GOLGA1: variants seen among roughly 807,000 people sequenced by gnomAD.
GOLGA1 encodes the protein golgin A1, also known as golgin subfamily A member 1.
GOLGA1 carries 63 observed loss-of-function variants against 119.7 expected under a neutral mutation model. That is an observed-to-expected ratio of 0.53 (90% CI 0.43 to 0.65). The LOEUF is 0.65. GOLGA1 is among the 30% of genes least tolerant of loss of function. The pLI is 0.00. For synonymous variants in GOLGA1, 318 were observed against 333.4 expected, an observed-to-expected ratio of 0.95 and a Z score of 0.50; for missense variants, 798 against 912.8, an observed-to-expected ratio of 0.87 and a Z score of 1.62.
At chr9:124,892,059 A>G (rs543503833) in intron 15 of GOLGA1, among the ~76,000 whole-genome samples, 1 of 151,550 alleles carries the variant, frequency 6.6e-6, no homozygotes, top group African/African-American at 2.4e-5. Flanking sequence ...GGTTCAAACA[A>G]TTCTCCTGCC....
chr9:124,881,191 TG>T lies in GOLGA1; in HGVS notation c.2202del (p.Lys735ArgfsTer50). The T allele has an allele frequency of 6.4e-7, 1 of 1,571,902 alleles. No individual in the cohort carries two copies. Among genetic ancestry groups the T allele is most frequent in the Non-Finnish European group, 8.8e-7 (1 of 1,141,266 alleles). On this transcript the variant is annotated frameshift_variant, in exon 22 of 23. Transcript: ENST00000373555. LOFTEE classifies it high-confidence loss of function. This position sits in a 1 kb window ranked among gnomAD's most constrained non-coding sequence, Gnocchi z 4.9. ...CCTACCTTATATTCCAGAGTTTCCT[TG>T]AGCATGTTCTCCTCCTCTTGGGAAA... ...LNFSQEEENMLKETLEYKMSW... is the reference protein window; with the variant it reads ...LNFSQEEENMXKETLEYKMSW...
chr9:124,921,564 G>A, intron 9 of GOLGA1, 159 bp downstream of exon 9: 1 of 688,144 alleles, frequency 1.5e-6, no homozygotes, highest in Admixed American at 2.3e-5. Flanking sequence ...TTGGAGGTAG[G>A]GTGAGGCCTG....
rs377081565 is a variant in GOLGA1 at position 124,908,568 on chromosome 9, CA to C, written c.970-97del. 11 of 755,260 alleles carry C rather than the reference CA, an allele frequency of 1.5e-5. No homozygotes were observed. The African/African-American group carries it at 1.7e-4, about 12-fold the overall frequency. 46.8% of individuals were successfully genotyped at this position (755,260 alleles called of 1,614,324 possible). On this transcript the variant is annotated intron_variant, in intron 11 of 22. Coordinates refer to ENST00000373555, the MANE Select transcript of GOLGA1 (RefSeq NM_002077.4). Reference sequence around the variant, plus strand: ...AACATATTGTGACTTGTGCTAGGCACAAGAGACATGAATACATTTTTAATAA... The same window carrying C: ...AACATATTGTGACTTGTGCTAGGCACAGAGACATGAATACATTTTTAATAA...
At chr9:124,897,949 C>T (rs1028248906) in intron 15 of GOLGA1, among the ~76,000 whole-genome samples, 21 of 152,224 alleles carry the variant, frequency 1.4e-4, no homozygotes, top group African/African-American at 4.8e-4. Flanking sequence ...AAAGGGGCCA[C>T]GGGAGTCTGG....
rs200680381 is a variant in GOLGA1, at chr9:124,889,213, G to A, written c.1691C>T (p.Ala564Val). 83 of 1,613,078 alleles carry A rather than the reference G, an allele frequency of 5.1e-5. No individual in the cohort carries two copies. Among genetic ancestry groups the A allele is most frequent in the Non-Finnish European group, 6.4e-5 (76 of 1,179,900 alleles). The change falls in exon 18 of 23, where the codon GCG becomes GTG. Residue 564 changes from alanine to valine, a missense_variant. Ala to Val is a moderately conservative substitution (Grantham distance 64). Coordinates refer to ENST00000373555, the MANE Select transcript of GOLGA1 (RefSeq NM_002077.4). ...CAGCCTCAGCAGGTCCTCCTGCTCC[G>A]CGACCACTGCAGCCTCCTCCGCCTT... ...TLKAEEAAVV[A>V]EQEDLLRLRG...
chr9:124,890,168 CA>C (rs1323818905), intron 16 of GOLGA1, among the ~76,000 whole-genome samples: 4 of 152,154 alleles, frequency 2.6e-5, no homozygotes, highest in African/African-American at 9.7e-5. Context: ...GTTGAAAAAT[CA>C]GAAAAGGGCA....
intron 10 of GOLGA1, among the ~76,000 whole-genome samples, chr9:124,916,877 C>CACACAAAAAAAAAAAAAA (rs1359322100): frequency 7.3e-5 from 3 of 41,214 alleles, no homozygotes; most frequent in Non-Finnish European, 8.3e-5. Context: ...CCCTGACACA[C>CACACAAAAAAAAAAAAAA]AAAAAAAAAA....
At position 124,924,496 on chromosome 9, in the gene GOLGA1, G is replaced by A. The variant is rs1291342727; in HGVS notation, c.433-1273C>T. On this transcript the variant is annotated intron_variant, in intron 7 of 22. Transcript: ENST00000373555. ...AATACAAAAAAATTAGCCAGGCATG[G>A]TGGCATGTGCTTGTAATCCCAGCTA... 3.3e-5 allele frequency among the ~76,000 whole-genome samples: 5 copies of A among 151,996 alleles called. No homozygotes were observed. In the East Asian group the frequency reaches 9.7e-4, roughly 30 times the overall value.
chr9:124,899,892 T>C (rs1830064068), intron 13 of GOLGA1, among the ~76,000 whole-genome samples: 1 of 152,242 alleles, frequency 6.6e-6, no homozygotes, highest in African/African-American at 2.4e-5. Context: ...GCTGCGAGCC[T>C]GTGGGCTACT....
chr9:124,905,158 T>TAA (rs1457460134), intron 12 of GOLGA1, among the ~76,000 whole-genome samples: 1 of 146,686 alleles, frequency 6.8e-6, no homozygotes, highest in Non-Finnish European at 1.5e-5. Flanking sequence ...AAAATAATAA[T>TAA]AATAAAATAA....
rs750647735 is a variant in GOLGA1, at chr9:124,908,486, GAA to G, written c.970-16_970-15del. The G allele has an allele frequency of 1.5e-4, 212 of 1,384,028 alleles. No homozygotes were observed. The highest frequency in any genetic ancestry group is 2.0e-4 in the Non-Finnish European group (194 of 969,804). The allele number at this position is 1,384,028 out of a possible 1,614,324, so 85.7% of individuals were successfully genotyped here. ...AGCAAGTGTTTTCTGTAAGTTGAAA[GAA>G]GAGTAAAAGAAGACTATCATTCCTC... is the stretch of plus-strand genomic sequence containing the variant. On this transcript the variant is annotated splice_polypyrimidine_tract_variant and intron_variant, in intron 11 of 22. Transcript: ENST00000373555.
At chr9:124,925,856 TG>T (rs1830662058) in intron 7 of GOLGA1, among the ~76,000 whole-genome samples, 1 of 152,210 alleles carries the variant, frequency 6.6e-6, no homozygotes, top group African/African-American at 2.4e-5. Context: ...ATTGTAGACT[TG>T]AAATTTCATC....
intron 13 of GOLGA1, 183 bp downstream of exon 13, chr9:124,900,269 C>G (rs620606): frequency 0.39 from 172,778 of 438,154 alleles, 36,368 homozygotes; most frequent in East Asian, 0.57. Flanking sequence ...AACTCAGGCC[C>G]ACCATTAGGT....
chr9:124,901,512 G>GT (rs1377534486), intron 12 of GOLGA1, among the ~76,000 whole-genome samples: 6 of 148,988 alleles, frequency 4.0e-5, no homozygotes, highest in Non-Finnish European at 7.4e-5. Flanking sequence ...TTGGCTCACT[G>GT]TAACCTCCAC....
At chr9:124,929,163 T>C (rs1001037855) in intron 5 of GOLGA1, 53 bp downstream of exon 5, 16 of 1,073,782 alleles carry the variant, frequency 1.5e-5, no homozygotes, top group Non-Finnish European at 2.2e-5. Flanking sequence ...TATTGTTTCA[T>C]TTCAAAAACT....
Position 124,924,644 on chromosome 9 carries a change from AAAAAAAAG to A in GOLGA1, c.433-1429_433-1422del, listed in dbSNP as rs1394342833. 4.0e-5 allele frequency among the ~76,000 whole-genome samples: 6 copies of A among 151,424 alleles called. No homozygotes were observed. In the South Asian group the frequency reaches 1.3e-3, roughly 32 times the overall value. ...GTGGTGAGACCCTGTCTCAAAAAAAAAAAAAAAGAAAAAAAGAAAAAAGGACTCTCTTA... is the reference window on the plus strand; with the variant it reads ...GTGGTGAGACCCTGTCTCAAAAAAAAAAAAAAAGAAAAAAGGACTCTCTTA... On this transcript the variant is annotated intron_variant, in intron 7 of 22. Transcript: ENST00000373555.
At position 124,911,321 on chromosome 9, in the gene GOLGA1, G is replaced by A. The variant is rs111324256; in HGVS notation, c.969+580C>T. Among the ~76,000 whole-genome samples the A allele has an allele frequency of 2.0e-3, 301 of 152,254 alleles. 2 individuals carry two copies. Among genetic ancestry groups the A allele is most frequent in the African/African-American group, 6.5e-3 (272 of 41,540 alleles). On this transcript the variant is annotated intron_variant, in intron 11 of 22. Coordinates refer to ENST00000373555, the MANE Select transcript of GOLGA1 (RefSeq NM_002077.4). ...AAACTGACTGAAGAAAGAAAGGGAG[G>A]GTCTAATCTAGGAGCCTCATGACCT... is the stretch of plus-strand genomic sequence containing the variant.
Position 124,898,495 on chromosome 9 carries a change from A to G in GOLGA1, c.1407+54T>C, listed in dbSNP as rs1156668298. On this transcript the variant is annotated intron_variant, in intron 15 of 22. Transcript: ENST00000373555. ...ATGAGAAGTGGGGCACTGTAAATAC[A>G]CATGTAGAAAACATGAACACTTTTA... is the stretch of plus-strand genomic sequence containing the variant. 6.1e-6 allele frequency: 6 copies of G among 977,248 alleles called. No homozygotes were observed. In the East Asian group the frequency reaches 1.4e-4, roughly 23 times the overall value. 60.5% of individuals were successfully genotyped at this position (977,248 alleles called of 1,614,324 possible). A position where few individuals can be genotyped will look rare whatever the true frequency, so the allele number is the denominator to read the frequency against.
intron 3 of GOLGA1, among the ~76,000 whole-genome samples, chr9:124,934,059 G>A (rs1475812973): frequency 6.6e-6 from 1 of 152,014 alleles, no homozygotes; most frequent in Non-Finnish European, 1.5e-5. Context: ...ATGATCTTGG[G>A]GATCCTTGAC....
Sources: gnomAD v4.1 joint callset for allele counts (sites outside exome capture counted in the v4.1 genomes callset) on GRCh38, gnomAD v4.1.1 for gene constraint, Gnocchi (gnomAD v3.1) non-coding constraint, MANE v1.5 for transcripts, NCBI Gene and HGNC (gene_info 2026-07-23, HGNC 2026-07-21) for gene names.